The following MAP2K2 variants were observed in gnomAD, a reference collection of about 807,000 sequenced individuals.
MAP2K2 encodes the protein dual specificity mitogen-activated protein kinase kinase 2.
MAP2K2 carries 24 observed loss-of-function variants against 43.7 expected under a neutral mutation model. The ratio of observed to expected loss-of-function variants is 0.55; its 90% CI spans 0.40 to 0.77. The LOEUF is 0.77. MAP2K2 is among the 30% of genes least tolerant of loss of function. MAP2K2 has a pLI of 0.00. For missense variants in MAP2K2, 470 were observed against 566.8 expected (o/e 0.83, Z 1.73); for synonymous variants, 244 against 239.7 (o/e 1.02, Z -0.17).
rs777647708 is a variant in MAP2K2 at position 4,117,488 on chromosome 19, C to T, written c.234G>A (p.Leu78=). Residue 78 remains leucine, a synonymous_variant, in exon 2 of 11, where the codon CTG becomes CTA. Transcript: ENST00000262948. ...TGACCACCCCGCCGTTGCCCGCGCC[C>T]AGCTCTGAGATCCTTTCGAAGTCAT... ...KDDDFERISE[L]GAGNGGVVTK... The T allele has an allele frequency of 2.5e-6, 4 of 1,614,178 alleles. No individual in the cohort carries two copies. The highest frequency in any genetic ancestry group is 3.4e-6 in the Non-Finnish European group (4 of 1,180,040).
intron 3 of MAP2K2, among the ~76,000 whole-genome samples, chr19:4,109,088 C>CA (rs1028478654): frequency 1.3e-5 from 2 of 152,154 alleles, no homozygotes; most frequent in Admixed American, 6.5e-5. Flanking sequence ...ACAAAACTGT[C>CA]AAAGGGGATC....
chr19:4,116,449 G>A (rs1020686268), intron 2 of MAP2K2, among the ~76,000 whole-genome samples: 1 of 151,716 alleles, frequency 6.6e-6, no homozygotes, highest in Non-Finnish European at 1.5e-5. Flanking sequence ...AGAATCCCTT[G>A]AACCCAGGAG....
At chr19:4,100,587 A>C (rs1185055725) in intron 6 of MAP2K2, 2 of 203,172 alleles carry the variant, frequency 9.8e-6, no homozygotes, top group Admixed American at 5.3e-5. Context: ...AGGCTGAGGA[A>C]AGAAGGTCAC....
chr19:4,108,980 C>T (rs1191519535), intron 3 of MAP2K2, among the ~76,000 whole-genome samples: 1 of 152,234 alleles, frequency 6.6e-6, no homozygotes, highest in African/African-American at 2.4e-5. Context: ...CGCCAGGTCT[C>T]CCTCGCAGGC....
At chr19:4,095,020 G>C in intron 9 of MAP2K2, 1 of 364,764 alleles carries the variant, frequency 2.7e-6, no homozygotes, top group South Asian at 3.7e-5. Context: ...CAGGAGAATG[G>C]AGTGGGGCTG....
At chr19:4,105,772 C>T (rs150948077) in intron 3 of MAP2K2, among the ~76,000 whole-genome samples, 6 of 152,130 alleles carry the variant, frequency 3.9e-5, no homozygotes, top group African/African-American at 1.4e-4. Context: ...CTCCTTGGTT[C>T]AGGCAGTCCT....
chr19:4,100,664 A>G, intron 6 of MAP2K2: 7 of 323,312 alleles, frequency 2.2e-5, no homozygotes, highest in Non-Finnish European at 3.5e-5. Context: ...AAAGATTAGT[A>G]AATTAACAAA....
At chr19:4,104,413 C>T (rs910577458) in intron 3 of MAP2K2, among the ~76,000 whole-genome samples, 5 of 151,826 alleles carry the variant, frequency 3.3e-5, no homozygotes, top group African/African-American at 4.8e-5. Context: ...ATCAGCCGGG[C>T]GTGGTGGTGC....
chr19:4,118,213 T>C (rs1273878864), intron 1 of MAP2K2, among the ~76,000 whole-genome samples: 2 of 152,134 alleles, frequency 1.3e-5, no homozygotes, highest in East Asian at 3.8e-4. Context: ...GCTGGGATTA[T>C]AGGCGTGAGC....
intron 3 of MAP2K2, chr19:4,102,697 C>T (rs1178450086): frequency 1.2e-5 from 14 of 1,178,580 alleles, no homozygotes; most frequent in Non-Finnish European, 1.4e-5. Context: ...GTCCCATCCT[C>T]GAATCAGTTG....
chr19:4,097,645 C>T (rs1292249577), intron 7 of MAP2K2, among the ~76,000 whole-genome samples: 1 of 152,196 alleles, frequency 6.6e-6, no homozygotes. Context: ...CCAAAGTCAT[C>T]ACCCCTCCTC....
intron 10 of MAP2K2, among the ~76,000 whole-genome samples, chr19:4,093,780 C>T (rs535759198): frequency 1.3e-5 from 2 of 152,192 alleles, no homozygotes; most frequent in African/African-American, 2.4e-5. Context: ...TCTTTTCTTA[C>T]AGGCACAGAA....
intron 2 of MAP2K2, among the ~76,000 whole-genome samples, chr19:4,116,010 G>A (rs934826816): frequency 6.6e-6 from 1 of 152,174 alleles, no homozygotes; most frequent in African/African-American, 2.4e-5. Context: ...GACTAAGCAC[G>A]GGGGCCGTCA....
chr19:4,093,338 A>C, intron 10 of MAP2K2, among the ~76,000 whole-genome samples: 1 of 152,170 alleles, frequency 6.6e-6, no homozygotes, highest in Non-Finnish European at 1.5e-5. Context: ...TTGGGGCTAC[A>C]GTGAGCTACA....
chr19:4,097,424 TCAC>T (rs1288776778), intron 7 of MAP2K2, 81 bp from the exon 8 acceptor site: 3 of 1,073,960 alleles, frequency 2.8e-6, no homozygotes, highest in South Asian at 1.3e-5. Flanking sequence ...AGGGGGCTGA[TCAC>T]CACCAGGCGC....
At chr19:4,100,539 G>C (rs1336245242) in intron 6 of MAP2K2, 2 of 170,154 alleles carry the variant, frequency 1.2e-5, no homozygotes, top group African/African-American at 4.8e-5. Flanking sequence ...GGGCGTGGTG[G>C]CTCAGGCTCA....
At chr19:4,092,065 G>T (rs1443173505) in intron 10 of MAP2K2, among the ~76,000 whole-genome samples, 3 of 152,226 alleles carry the variant, frequency 2.0e-5, no homozygotes, top group Non-Finnish European at 4.4e-5. Context: ...CCTTGGGGAA[G>T]AGGCTGTGCT....
In MAP2K2 at chr19:4,105,338, G is replaced by A. The variant is rs192602821; in HGVS notation, c.451-2885C>T. On this transcript the variant is annotated intron_variant, in intron 3 of 10. Transcript: ENST00000262948. ...GGCGGGGGTGCAGTGGCACCATCTC[G>A]GCTCACTGCAAGCTCCGCCTCCCGG... Among the ~76,000 whole-genome samples the A allele has an allele frequency of 4.0e-3, 607 of 151,140 alleles. 3 individuals carry two copies. The highest frequency in any genetic ancestry group is 0.013 in the South Asian group (62 of 4,788).
intron 8 of MAP2K2, 40 bp from the exon 9 acceptor site, chr19:4,095,489 C>T (rs772082191): frequency 9.7e-5 from 147 of 1,513,072 alleles, no homozygotes; most frequent in Admixed American, 1.4e-4. Context: ...CCCTGGGCAT[C>T]GTCAGGGACC....
Sources: gnomAD v4.1 joint callset for allele counts (sites outside exome capture counted in the v4.1 genomes callset) on GRCh38, gnomAD v4.1.1 for gene constraint, MANE v1.5 for transcripts, NCBI Gene and HGNC (gene_info 2026-07-23, HGNC 2026-07-21) for gene names.